The following ABCB5 variants were observed in gnomAD, a reference collection of about 807,000 sequenced individuals.
ABCB5 encodes ATP binding cassette subfamily B member 5, also known as ATP-binding cassette sub-family B member 5.
A neutral mutation model predicts 144.2 loss-of-function variants in ABCB5; 155 were observed. The ratio of observed to expected loss-of-function variants is 1.08; its 90% CI spans 0.94 to 1.23. ABCB5 has a LOEUF of 1.23. Ranked by LOEUF, ABCB5 falls within the 50% of genes most tolerant of loss-of-function variation. The pLI, the probability that ABCB5 is intolerant of heterozygous loss-of-function variation, is 0.00. For missense variants in ABCB5, 1,830 were observed against 1,520.8 expected, an observed-to-expected ratio of 1.20 and a Z score of -3.38; for synonymous variants, 610 against 528.6, an observed-to-expected ratio of 1.15 and a Z score of -2.11.
At chr7:20,729,270 G>C (rs1455343848) in intron 23 of ABCB5, among the ~76,000 whole-genome samples, 2 of 152,162 alleles carry the variant, frequency 1.3e-5, no homozygotes, top group Admixed American at 1.3e-4. Context: ...TGGAACATGG[G>C]AATGTGGGGG....
rs574609199 is a variant in ABCB5, at chr7:20,727,072, T to A, written c.2658T>A (p.Thr886=). Residue 886 remains threonine, a synonymous_variant, in exon 22 of 28, where the codon ACT becomes ACA. Coordinates refer to ENST00000404938, the MANE Select transcript of ABCB5 (RefSeq NM_001163941.2). ...CTGAAGCTTTGGAGAATATACGTAC[T>A]ATAGTGTCATTAACAAGGGAAAAAG... The part of the protein sequence containing the change: ...IATEALENIR[T]IVSLTREKAF... 1.9e-6 allele frequency: 3 copies of A among 1,613,588 alleles called. No homozygotes were observed. In the East Asian group the frequency reaches 6.7e-5, roughly 36 times the overall value.
intron 20 of ABCB5, among the ~76,000 whole-genome samples, chr7:20,711,915 T>G (rs1787086870): frequency 7.7e-6 from 1 of 129,880 alleles, no homozygotes; most frequent in African/African-American, 3.0e-5. Flanking sequence ...CTTCCTTTCT[T>G]TCTCTCTCTT....
At chr7:20,651,801 C>G (rs951185331) in intron 13 of ABCB5, 178 bp downstream of exon 13, 2 of 603,088 alleles carry the variant, frequency 3.3e-6, no homozygotes, top group East Asian at 2.8e-5. Flanking sequence ...AGGTCCAACA[C>G]AAATTTGTAA....
rs1583380030 is a variant in ABCB5 at position 20,632,252 on chromosome 7, C to T, written c.314+139C>T. On this transcript the variant is annotated intron_variant, in intron 5 of 27. Transcript: ENST00000404938. ...TTAAAGCAAACATTTCCTCTTCTTT[C>T]ATTAGGTATATAAAATACAATTAGT... The T allele has an allele frequency of 7.2e-6, 4 of 558,366 alleles. No homozygotes were observed. In the East Asian group the frequency reaches 1.2e-4, roughly 17 times the overall value. The allele number at this position is 558,366 out of a possible 1,614,324, so 34.6% of individuals were successfully genotyped here.
chr7:20,737,264 C>T (rs1365158167), intron 23 of ABCB5, among the ~76,000 whole-genome samples: 6 of 152,184 alleles, frequency 3.9e-5, no homozygotes, highest in African/African-American at 1.4e-4. Flanking sequence ...TAACCCTCAT[C>T]GGCATCAGCC....
intron 26 of ABCB5, among the ~76,000 whole-genome samples, chr7:20,750,770 G>A (rs1206631331): frequency 6.6e-6 from 1 of 152,118 alleles, no homozygotes; most frequent in Admixed American, 6.6e-5. Context: ...CCAGAAGGGT[G>A]CAGAGCAAGG....
Position 20,651,619 on chromosome 7 carries a change from C to G in ABCB5, c.1532C>G (p.Pro511Arg). 6.2e-7 allele frequency: 1 copy of G among 1,613,870 alleles called. No homozygotes were observed. Among genetic ancestry groups the G allele is most frequent in the Non-Finnish European group, 8.5e-7 (1 of 1,179,886 alleles). Residue 511 changes from proline (P) to arginine (R), a missense_variant, in exon 13 of 28, where the codon CCT (proline) becomes CGT (arginine). Pro to Arg is a moderately radical substitution (Grantham distance 103). Coordinates refer to ENST00000404938, the MANE Select transcript of ABCB5 (RefSeq NM_001163941.2). ...ANAYDFIMEF[P>R]NKFNTLVGEK... is the part of the protein sequence containing the mutation. Reference sequence around the variant, plus strand: ...GCGTATGATTTTATCATGGAGTTTCCTAATGTGAGTACACTGTGCAGCCTG... The same window carrying G: ...GCGTATGATTTTATCATGGAGTTTCGTAATGTGAGTACACTGTGCAGCCTG...
At position 20,658,657 on chromosome 7, in the gene ABCB5, T is replaced by G. The variant is rs1784894883; in HGVS notation, c.1688T>G (p.Val563Gly). ...SALDSESKSA[V>G]QAALEKASKG... is the part of the protein sequence containing the mutation. ...CTGGATTCAGAAAGCAAGTCAGCTG[T>G]TCAAGCTGCACTGGAGAAGGTAAGT... The change falls in exon 14 of 28, where the codon GTT becomes GGT. Residue 563 changes from valine to glycine, a missense_variant. Physicochemically the swap from Val to Gly is moderately radical, Grantham distance 109. Coordinates refer to ENST00000404938, the MANE Select transcript of ABCB5 (RefSeq NM_001163941.2). 6.2e-7 allele frequency: 1 copy of G among 1,614,024 alleles called. No individual in the cohort carries two copies. Among genetic ancestry groups the G allele is most frequent in the African/African-American group, 1.3e-5 (1 of 74,924 alleles).
intron 4 of ABCB5, among the ~76,000 whole-genome samples, chr7:20,631,352 A>G (rs1431530393): frequency 1.3e-5 from 2 of 152,150 alleles, no homozygotes; most frequent in Admixed American, 6.6e-5. Context: ...AAAGATCATA[A>G]GCATTGTAAT....
At chr7:20,706,436 A>G (rs113198831) in intron 20 of ABCB5, among the ~76,000 whole-genome samples, 1,677 of 152,312 alleles carry the variant, frequency 0.011, 34 homozygotes, top group African/African-American at 0.038. Context: ...AATTATACTG[A>G]AAGACCCAAC....
chr7:20,632,812 G>A (rs960549253), intron 5 of ABCB5, among the ~76,000 whole-genome samples: 16 of 146,636 alleles, frequency 1.1e-4, no homozygotes, highest in African/African-American at 4.0e-4. Flanking sequence ...ATGGAACAAT[G>A]AGAACACATG....
chr7:20,628,815 G>A lies in ABCB5; in HGVS notation c.236G>A (p.Gly79Glu), dbSNP rs757262393. Residue 79 changes from glycine to glutamate, a missense_variant, in exon 4 of 28, where the codon GGA becomes GAA. Physicochemically the swap from Gly to Glu is moderately conservative, Grantham distance 98 (BLOSUM62 -2). Coordinates refer to ENST00000404938, the MANE Select transcript of ABCB5 (RefSeq NM_001163941.2). ...LGEMSDNLIS[G>E]CLVQTNTTNY... is the part of the protein sequence containing the mutation. ...GAAATGAGTGATAACCTTATTAGTG[G>A]ATGTCTAGTCCAAACTAACACAAGT... 1 of 1,613,552 alleles carries A rather than the reference G, an allele frequency of 6.2e-7. No homozygotes were observed. The highest frequency in any genetic ancestry group is 1.3e-5 in the African/African-American group (1 of 74,884).
intron 14 of ABCB5, among the ~76,000 whole-genome samples, chr7:20,670,905 A>C (rs1785445389): frequency 6.6e-6 from 1 of 152,214 alleles, no homozygotes; most frequent in East Asian, 1.9e-4. Flanking sequence ...GCGAAATTCC[A>C]CCTGAAATAA....
chr7:20,738,866 G>T, intron 23 of ABCB5, 117 bp from the exon 24 acceptor site: 4 of 1,158,162 alleles, frequency 3.5e-6, no homozygotes, highest in Non-Finnish European at 3.5e-6. Context: ...AGCGTTAGGG[G>T]TGCCGTCTAC....
intron 14 of ABCB5, among the ~76,000 whole-genome samples, chr7:20,666,560 A>C (rs1366878504): frequency 6.6e-6 from 1 of 152,204 alleles, no homozygotes; most frequent in Non-Finnish European, 1.5e-5. Context: ...TCAAAGTCCA[A>C]AATAATGACC....
intron 13 of ABCB5, among the ~76,000 whole-genome samples, chr7:20,658,066 A>G (rs929772023): frequency 3.9e-5 from 6 of 151,952 alleles, no homozygotes; most frequent in Non-Finnish European, 7.4e-5. Flanking sequence ...TTTGGTAGCA[A>G]TTTTTTTTCA....
rs538555349 is a variant in ABCB5 at position 20,746,376 on chromosome 7, G to A, written c.3429+938G>A. ...GCCTCCCAAAGTGCTGGGATTACAG[G>A]CGTGAGCCATCGCGCCCGGCAAGTA... On this transcript the variant is annotated intron_variant, in intron 26 of 27. Coordinates refer to ENST00000404938, the MANE Select transcript of ABCB5 (RefSeq NM_001163941.2). Among the ~76,000 whole-genome samples the A allele has an allele frequency of 3.9e-5, 6 of 152,362 alleles. No individual in the cohort carries two copies. The South Asian group carries it at 1.2e-3, about 32-fold the overall frequency.
chr7:20,636,870 A>C (rs1419044948), intron 5 of ABCB5, among the ~76,000 whole-genome samples: 3 of 151,842 alleles, frequency 2.0e-5, no homozygotes, highest in African/African-American at 4.8e-5. Flanking sequence ...TGTATTCAGT[A>C]TGTTAATATT....
chr7:20,650,484 A>C (rs1784547786), intron 12 of ABCB5, among the ~76,000 whole-genome samples: 1 of 152,202 alleles, frequency 6.6e-6, no homozygotes, highest in South Asian at 2.1e-4. Context: ...AAAATAGCGT[A>C]TTAACATCTG....
Sources: allele counts gnomAD v4.1 joint callset (sites outside exome capture counted in the v4.1 genomes callset), GRCh38; gene constraint gnomAD v4.1.1; transcripts MANE v1.5; gene names NCBI Gene and HGNC (gene_info 2026-07-23, HGNC 2026-07-21).